Variants in ALX3 observed in about 807,000 individuals in gnomAD.
The protein encoded by ALX3 is homeobox protein aristaless-like 3.
In ALX3, 17 loss-of-function variants were observed where a neutral mutation model predicts 26.3. That is an observed-to-expected ratio of 0.65 (90% confidence interval 0.44 to 0.97). ALX3 has a LOEUF of 0.97. ALX3 is among the 50% of genes least tolerant of loss of function. ALX3 has a pLI of 0.00. For synonymous variants in ALX3, 208 were observed against 201.4 expected, an observed-to-expected ratio of 1.03 and a Z score of -0.28; for missense variants, 461 against 466.5, an observed-to-expected ratio of 0.99 and a Z score of 0.11.
chr1:110,060,657 G>GAGGCACAGGTGCTTCCTCCGTGGTGTCC lies in ALX3; in HGVS notation c.*75_*76insGGACACCACGGAGGAAGCACCTGTGCCT, dbSNP rs1653610470. 2.0e-5 allele frequency: 6 copies of GAGGCACAGGTGCTTCCTCCGTGGTGTCC among 301,236 alleles called. No homozygotes were observed. The African/African-American group carries it at 9.6e-4, about 48-fold the overall frequency. 18.7% of individuals were successfully genotyped at this position (301,236 alleles called of 1,614,324 possible). ...AGCCTCCAGAACCATCTGGGGCTTG[G>GAGGCACAGGTGCTTCCTCCGTGGTGTCC]AGGCAGAGGTGGGCTGGGAGCGACT... is the stretch of plus-strand genomic sequence containing the variant. On this transcript the variant is annotated 3_prime_UTR_variant, in exon 4 of 4. Transcript: ENST00000647563.
At chr1:110,068,011 C>G (rs1460248523) in intron 1 of ALX3, among the ~76,000 whole-genome samples, 2 of 152,106 alleles carry the variant, frequency 1.3e-5, no homozygotes, top group African/African-American at 4.8e-5. Flanking sequence ...GAGCCAAACT[C>G]GGGACAGACT....
Position 110,061,726 on chromosome 1 carries a change from C to A in ALX3, c.595-163G>T, listed in dbSNP as rs1324229870. ...ACACTGTTCTCCAGGCCAGGGAAGC[C>A]TGGGAGGAAGCCTGGGAGAGGCCCA... On this transcript the variant is annotated intron_variant, in intron 2 of 3. Transcript: ENST00000647563. 1.8e-5 allele frequency: 21 copies of A among 1,185,494 alleles called. No homozygotes were observed. The East Asian group carries it at 5.4e-4, about 30-fold the overall frequency. The allele number at this position is 1,185,494 out of a possible 1,614,324, so 73.4% of individuals were successfully genotyped here.
intron 1 of ALX3, among the ~76,000 whole-genome samples, chr1:110,065,284 T>A (rs982109828): frequency 1.3e-5 from 2 of 152,130 alleles, no homozygotes; most frequent in African/African-American, 4.8e-5. Context: ...GATGGGGTGG[T>A]TGACATCTCC....
chr1:110,060,809 T>C lies in ALX3; in HGVS notation c.956A>G (p.Asp319Gly), dbSNP rs1336290376. Reference protein sequence around the residue: ...GHSFEPSSDGDYKSPSLVSLR... With the variant: ...GHSFEPSSDGGYKSPSLVSLR... ...CGAGACGAGGCTTGGAGACTTATAG[T>C]CACCATCTGAGGAAGGCTCAAAGCT... Residue 319 changes from aspartate (D) to glycine (G), a missense_variant, in exon 4 of 4, where the codon GAC becomes GGC. Asp to Gly is a moderately conservative substitution (Grantham distance 94, BLOSUM62 -1). Around this residue, in one of 3 missense-constraint regions of ALX3, gnomAD observed 169 missense variants for 178.0 expected, o/e 0.95. Transcript: ENST00000647563. 3 of 1,613,768 alleles carry C rather than the reference T, an allele frequency of 1.9e-6. No homozygotes were observed. The highest frequency in any genetic ancestry group is 2.7e-5 in the African/African-American group (2 of 74,866).
chr1:110,061,531 C>T lies in ALX3; in HGVS notation c.627G>A (p.Arg209=), dbSNP rs113851340. Residue 209 remains arginine (R), a synonymous_variant, in exon 3 of 4, where the codon CGG becomes CGA. Transcript: ENST00000647563. ...GGATCTTCCCATAACGCTCGCGCTT[C>T]CGCCACTTGGCTCTGCGGTTCTGGA... ...VWFQNRRAKW[R]KRERYGKIQE... 3.3e-4 allele frequency: 538 copies of T among 1,614,202 alleles called. No individual in the cohort carries two copies. The African/African-American group carries it at 6.2e-3, about 19-fold the overall frequency.
chr1:110,065,327 A>C (rs761873027), intron 1 of ALX3, among the ~76,000 whole-genome samples: 1 of 151,688 alleles, frequency 6.6e-6, no homozygotes, highest in African/African-American at 2.4e-5. Flanking sequence ...CTTGTTCCTA[A>C]CTCTGCAGGC....
At chr1:110,064,098 C>T (rs898547806) in intron 2 of ALX3, among the ~76,000 whole-genome samples, 2 of 152,072 alleles carry the variant, frequency 1.3e-5, no homozygotes, top group African/African-American at 4.8e-5. Flanking sequence ...CTTTGAGAAT[C>T]ACTAACCCTG....
intron 1 of ALX3, among the ~76,000 whole-genome samples, chr1:110,065,205 A>G (rs928050378): frequency 6.6e-6 from 1 of 152,126 alleles, no homozygotes; most frequent in Non-Finnish European, 1.5e-5. Flanking sequence ...CAGGGACGTG[A>G]GAGGACTGGC....
At position 110,061,514 on chromosome 1, in the gene ALX3, C is replaced by G. The variant is rs201764848; in HGVS notation, c.644G>C (p.Gly215Ala). The change falls in exon 3 of 4, where the codon GGG (glycine) becomes GCG (alanine). Residue 215 changes from glycine to alanine, a missense_variant. Around this residue, in one of 3 missense-constraint regions of ALX3, gnomAD observed 169 missense variants for 178.0 expected, o/e 0.95. Coordinates refer to ENST00000647563, the MANE Select transcript of ALX3 (RefSeq NM_006492.3). ...RAKWRKRERY[G>A]KIQEGRNPFT... ...GGGGTTCCGCCCCTCCTGGATCTTC[C>G]CATAACGCTCGCGCTTCCGCCACTT... 1.2e-6 allele frequency: 2 copies of G among 1,614,198 alleles called. No individual in the cohort carries two copies. The highest frequency in any genetic ancestry group is 2.7e-5 in the African/African-American group (2 of 75,050).
chr1:110,061,024 C>G lies in ALX3; in HGVS notation c.741G>C (p.Trp247Cys). 5.6e-6 allele frequency: 9 copies of G among 1,609,388 alleles called. No homozygotes were observed. Among genetic ancestry groups the G allele is most frequent in the Non-Finnish European group, 7.6e-6 (9 of 1,178,560 alleles). ...CAGGGCTCCCAGATCCTGGACTGGC[C>G]CACAGGGAGTTCTGCAGCTGAAAAG... ...DSHPQLQNSL[W>C]ASPGSGSPGG... The change falls in exon 4 of 4, where the codon TGG becomes TGC. Residue 247 changes from tryptophan (W) to cysteine (C), a missense_variant. Transcript: ENST00000647563.
In ALX3 at chr1:110,061,459, C is replaced by A. The variant is rs779144086; in HGVS notation, c.699G>T (p.Leu233=). 1.2e-6 allele frequency: 2 copies of A among 1,614,212 alleles called. No individual in the cohort carries two copies. Among genetic ancestry groups the A allele is most frequent in the Non-Finnish European group, 1.7e-6 (2 of 1,180,024 alleles). ...CCTGAGGGTGGCTGTCAGTACGGGG[C>A]AGCACAGAGATGTCATAGGCAGCCG... ...PFTAAYDISV[L]PRTDSHPQLQ... The change falls in exon 3 of 4, where the codon CTG becomes CTT. Residue 233 remains leucine, a synonymous_variant. Transcript: ENST00000647563.
Position 110,060,728 on chromosome 1 carries a change from A to G in ALX3, c.*5T>C, listed in dbSNP as rs576821902. The G allele has an allele frequency of 2.1e-6, 3 of 1,457,056 alleles. No individual in the cohort carries two copies. Among genetic ancestry groups the G allele is most frequent in the Admixed American group, 2.0e-5 (1 of 49,128 alleles). The allele number at this position is 1,457,056 out of a possible 1,614,324, so 90.3% of individuals were successfully genotyped here. A position where few individuals can be genotyped will look rare whatever the true frequency, so the allele number is the denominator to read the frequency against. ...GCAGCTCATTCTGCAGGTCCATGCA[A>G]CCGATCACGTGGTCCAGTTCAGAAG... On this transcript the variant is annotated 3_prime_UTR_variant, in exon 4 of 4. Transcript: ENST00000647563.
Position 110,060,585 on chromosome 1 carries a change from C to G in ALX3, c.*148G>C, listed in dbSNP as rs879119653. On this transcript the variant is annotated 3_prime_UTR_variant, in exon 4 of 4. Transcript: ENST00000647563. ...CCACCTTGTTCTAAGAGAAAAGACC[C>G]TGTAACGTGTTCCCTGCTGGGGGCT... 1 of 690,652 alleles carries G rather than the reference C, an allele frequency of 1.4e-6. No individual in the cohort carries two copies. Among genetic ancestry groups the G allele is most frequent in the South Asian group, 2.4e-5 (1 of 42,290 alleles). The allele number at this position is 690,652 out of a possible 1,614,324, so 42.8% of individuals were successfully genotyped here.
At chr1:110,063,058 G>T (rs777955175) in intron 2 of ALX3, among the ~76,000 whole-genome samples, 7 of 152,124 alleles carry the variant, frequency 4.6e-5, no homozygotes, top group Non-Finnish European at 8.8e-5. Context: ...TCACACCCCT[G>T]CCAGAGAAAA....
At chr1:110,061,709 C>T (rs1469156875) in intron 2 of ALX3, 146 bp from the exon 3 acceptor site, 3 of 1,298,368 alleles carry the variant, frequency 2.3e-6, no homozygotes, top group African/African-American at 1.5e-5. Context: ...CCACACTGTT[C>T]TCCAGGCCAG....
intron 1 of ALX3, among the ~76,000 whole-genome samples, chr1:110,068,529 A>G (rs1418711558): frequency 1.3e-5 from 2 of 152,210 alleles, no homozygotes; most frequent in Non-Finnish European, 2.9e-5. Context: ...CCTCCGTTCA[A>G]CTGAAATCGT....
chr1:110,063,536 A>G (rs1653703926), intron 2 of ALX3, among the ~76,000 whole-genome samples: 1 of 152,122 alleles, frequency 6.6e-6, no homozygotes, highest in African/African-American at 2.4e-5. Context: ...TGCCAGGACT[A>G]TCTCCTGCCC....
Position 110,061,580 on chromosome 1 carries a change from G to A in ALX3, c.595-17C>T, listed in dbSNP as rs1653648057. 1 of 1,613,926 alleles carries A rather than the reference G, an allele frequency of 6.2e-7. No individual in the cohort carries two copies. The highest frequency in any genetic ancestry group is 8.5e-7 in the Non-Finnish European group (1 of 1,180,016). On this transcript the variant is annotated splice_polypyrimidine_tract_variant and intron_variant, in intron 2 of 3. Coordinates refer to ENST00000647563, the MANE Select transcript of ALX3 (RefSeq NM_006492.3). ...GAACCAGACCTGGGGGCAGGTTGTGGGGGTTTGAGGGGGTGATAGGGCAGC... is the reference window on the plus strand; with the variant it reads ...GAACCAGACCTGGGGGCAGGTTGTGAGGGTTTGAGGGGGTGATAGGGCAGC...
Position 110,070,568 on chromosome 1 carries a change from G to A in ALX3, c.45C>T (p.Pro15=). Residue 15 remains proline, a synonymous_variant, in exon 1 of 4, where the codon CCC becomes CCT. Transcript: ENST00000647563. ...HCAPFRVGPA[P]GPYVASGDEP... The stretch of plus-strand genomic sequence containing the variant: ...CGTCCCCCGAGGCCACATAGGGGCC[G>A]GGTGCAGGCCCCACGCGGAAAGGCG... 2 of 1,308,328 alleles carry A rather than the reference G, an allele frequency of 1.5e-6. No individual in the cohort carries two copies. The highest frequency in any genetic ancestry group is 4.2e-5 in the South Asian group (2 of 47,930). The allele number at this position is 1,308,328 out of a possible 1,614,324, so 81.0% of individuals were successfully genotyped here.
Sources: gnomAD v4.1 joint callset for allele counts (sites outside exome capture counted in the v4.1 genomes callset) on GRCh38, gnomAD v4.1.1 for gene constraint, gnomAD v4.1.1 regional missense constraint, MANE v1.5 for transcripts, NCBI Gene and HGNC (gene_info 2026-07-23, HGNC 2026-07-21) for gene names.